The following RYR3 variants were observed in gnomAD, a reference collection of about 807,000 sequenced individuals.
RYR3 encodes ryanodine receptor 3, also known as brain ryanodine receptor-calcium release channel.
Under a neutral mutation model 584.3 loss-of-function variants are expected in RYR3, and 207 were observed. The ratio of observed to expected loss-of-function variants is 0.35; its 90% confidence interval spans 0.32 to 0.40. The LOEUF (loss-of-function observed/expected upper bound fraction) is 0.40, where lower values mean the gene tolerates loss of function less well. Ranked by LOEUF, RYR3 falls within the 10% of genes least tolerant of loss-of-function variation. The pLI is 1.00. For synonymous variants in RYR3, 2,416 were observed against 2,248.5 expected (o/e 1.07, Z -2.11); for missense variants, 5,616 against 6,089.2 (o/e 0.92, Z 2.59).
intron 93 of RYR3, among the ~76,000 whole-genome samples, chr15:33,845,969 C>T (rs1228703154): frequency 3.3e-5 from 5 of 152,194 alleles, no homozygotes; most frequent in African/African-American, 9.7e-5. Context: ...ACATTTGCAG[C>T]CATCTGCGAG....
rs534052883 is a variant in RYR3, at chr15:33,716,026, A to C, written c.6620-6689A>C. Among the ~76,000 whole-genome samples, 65 of 152,262 alleles carry C rather than the reference A, an allele frequency of 4.3e-4. 1 individual carries two copies. The South Asian group carries it at 0.013, about 31-fold the overall frequency. On this transcript the variant is annotated intron_variant, in intron 43 of 103. Coordinates refer to ENST00000634891, the MANE Select transcript of RYR3 (RefSeq NM_001036.6). The stretch of plus-strand genomic sequence containing the variant: ...TGCCTCTTGGCTTGGTGCTGTCCTC[A>C]CACTAGTGAGTTCTCATAAGCTCTG...
At chr15:33,736,730 CTT>C (rs2069499797) in intron 49 of RYR3, among the ~76,000 whole-genome samples, 1 of 151,618 alleles carries the variant, frequency 6.6e-6, no homozygotes, top group African/African-American at 2.4e-5. Flanking sequence ...TGTAAGAAAT[CTT>C]TTTTGTTTGT....
At chr15:33,732,419 C>G (rs1394938508) in intron 48 of RYR3, among the ~76,000 whole-genome samples, 1 of 150,692 alleles carries the variant, frequency 6.6e-6, no homozygotes, top group Non-Finnish European at 1.5e-5. Context: ...TACCTCTAGG[C>G]CTCCCAAGAC....
chr15:33,324,141 C>CAA (rs755038184), intron 1 of RYR3, among the ~76,000 whole-genome samples: 22,849 of 152,116 alleles, frequency 0.15, 2,951 homozygotes, highest in African/African-American at 0.36. Flanking sequence ...ATCTCCAAGG[C>CAA]ATTTGCCTTG....
At chr15:33,452,206 A>G (rs555855328) in intron 1 of RYR3, among the ~76,000 whole-genome samples, 1 of 152,270 alleles carries the variant, frequency 6.6e-6, no homozygotes, top group Non-Finnish European at 1.5e-5. Flanking sequence ...AATGTTTCTC[A>G]TTGTTGGTTC....
intron 12 of RYR3, among the ~76,000 whole-genome samples, chr15:33,568,237 C>G (rs766941852): frequency 2.0e-5 from 3 of 152,100 alleles, no homozygotes; most frequent in Non-Finnish European, 4.4e-5. Context: ...CTGATCATGA[C>G]AAAGGTTGCA....
At chr15:33,558,591 A>T (rs1428947080) in intron 10 of RYR3, among the ~76,000 whole-genome samples, 1 of 152,186 alleles carries the variant, frequency 6.6e-6, no homozygotes, top group Non-Finnish European at 1.5e-5. Context: ...AGGATGGTTT[A>T]TATTCCTTTG....
chr15:33,838,020 C>T lies in RYR3; in HGVS notation c.12040C>T (p.Leu4014=). 1 of 1,614,002 alleles carries T rather than the reference C, an allele frequency of 6.2e-7. No individual in the cohort carries two copies. The highest frequency in any genetic ancestry group is 8.5e-7 in the Non-Finnish European group (1 of 1,179,892). The stretch of plus-strand genomic sequence containing the variant: ...GCCAAACGATTCCCGCCTGAAGTGT[C>T]TGTTGGACCCAGCAGAAAGTGTGCT... ...HMPNDSRLKC[L]LDPAESVLNY... is the part of the protein sequence containing the mutation. The change falls in exon 89 of 104, where the codon CTG becomes TTG. Residue 4014 remains leucine, a synonymous_variant. Coordinates refer to ENST00000634891, the MANE Select transcript of RYR3 (RefSeq NM_001036.6).
At chr15:33,692,091 A>C (rs1252553173) in intron 38 of RYR3, among the ~76,000 whole-genome samples, 1 of 152,218 alleles carries the variant, frequency 6.6e-6, no homozygotes, top group African/African-American at 2.4e-5. Context: ...AGTATGTGCC[A>C]TCCATGGTTA....
chr15:33,331,383 T>C (rs1458038799), intron 1 of RYR3, among the ~76,000 whole-genome samples: 1 of 152,150 alleles, frequency 6.6e-6, no homozygotes, highest in Admixed American at 6.5e-5. Flanking sequence ...TCTTATAAGG[T>C]AGATCACTAG....
rs8028072 is a variant in RYR3 at position 33,336,258 on chromosome 15, G to A, written c.51+25162G>A. 1.1e-4 allele frequency among the ~76,000 whole-genome samples: 17 copies of A among 150,838 alleles called. No individual in the cohort carries two copies. The South Asian group carries it at 3.6e-3, about 32-fold the overall frequency. ...ACCAGCCTGGCCAACATGGTGAAAC[G>A]CTGTCTCTACTATAAATACAAAAAT... On this transcript the variant is annotated intron_variant, in intron 1 of 103. Coordinates refer to ENST00000634891, the MANE Select transcript of RYR3 (RefSeq NM_001036.6).
At chr15:33,845,218 A>T (rs1281474876) in intron 93 of RYR3, among the ~76,000 whole-genome samples, 156 bp downstream of exon 93, 1 of 152,070 alleles carries the variant, frequency 6.6e-6, no homozygotes, top group East Asian at 1.9e-4. Context: ...AGCTGCCTAG[A>T]CCTGCAGAGT....
chr15:33,456,262 T>G (rs2047548032), intron 1 of RYR3, among the ~76,000 whole-genome samples: 1 of 152,218 alleles, frequency 6.6e-6, no homozygotes, highest in Admixed American at 6.5e-5. Context: ...CTTGGAATGC[T>G]CCAGGCTGAA....
At chr15:33,440,709 G>T (rs2046148257) in intron 1 of RYR3, among the ~76,000 whole-genome samples, 1 of 152,152 alleles carries the variant, frequency 6.6e-6, no homozygotes, top group Non-Finnish European at 1.5e-5. Context: ...CACAATTCCA[G>T]GCTCTATCCC....
chr15:33,816,447 C>G (rs111757341), intron 74 of RYR3, among the ~76,000 whole-genome samples: 82 of 152,330 alleles, frequency 5.4e-4, no homozygotes, highest in African/African-American at 1.9e-3. Flanking sequence ...GATGAAACCA[C>G]TGATCATCGG....
chr15:33,355,455 C>T (rs1973842554), intron 1 of RYR3, among the ~76,000 whole-genome samples: 1 of 152,150 alleles, frequency 6.6e-6, no homozygotes, highest in Admixed American at 6.5e-5. Context: ...ATTTTTCCTA[C>T]TGTACATGTA....
rs200621978 is a variant in RYR3, at chr15:33,646,400, C to T, written c.3815C>T (p.Thr1272Met). Residue 1272 changes from threonine (T) to methionine (M), a missense_variant, in exon 29 of 104, where the codon ACG becomes ATG. Thr to Met is a moderately conservative substitution (Grantham distance 81). This residue lies in a region of RYR3 where 753 missense variants were observed against 741.0 expected (regional missense o/e 1.02). Transcript: ENST00000634891. ...TMDSPPCLKV[T>M]HKTFGTQNSN... ...GACAGCCCTCCGTGTCTCAAGGTGA[C>T]GCATAAGACATTTGGCACACAGAAT... 117 of 1,613,366 alleles carry T rather than the reference C, an allele frequency of 7.3e-5. No homozygotes were observed. Among genetic ancestry groups the T allele is most frequent in the Non-Finnish European group, 9.4e-5 (111 of 1,179,566 alleles).
At chr15:33,356,320 G>A (rs1973968173) in intron 1 of RYR3, among the ~76,000 whole-genome samples, 2 of 152,144 alleles carry the variant, frequency 1.3e-5, no homozygotes, top group Non-Finnish European at 2.9e-5. Flanking sequence ...AAGTATGCTG[G>A]TGTGCTTTGT....
At chr15:33,748,910 C>T (rs1240686042) in intron 55 of RYR3, among the ~76,000 whole-genome samples, 2 of 152,126 alleles carry the variant, frequency 1.3e-5, no homozygotes, top group Non-Finnish European at 2.9e-5. Flanking sequence ...CACACATCCC[C>T]CCATATACTT....
Sources: allele counts gnomAD v4.1 joint callset (sites outside exome capture counted in the v4.1 genomes callset), GRCh38; gene constraint gnomAD v4.1.1; regional missense constraint gnomAD v4.1.1; transcripts MANE v1.5; gene names NCBI Gene and HGNC (gene_info 2026-07-23, HGNC 2026-07-21).